ARHGEF12: variants seen among roughly 807,000 people sequenced by gnomAD.
The protein encoded by ARHGEF12 is KMT2A/ARHGEF12 fusion protein.
ARHGEF12 carries 66 observed loss-of-function variants against 211.2 expected under a neutral mutation model. The ratio of observed to expected loss-of-function variants is 0.31; its 90% confidence interval spans 0.26 to 0.38. ARHGEF12 has a LOEUF of 0.38. Among genes scored for constraint, ARHGEF12 ranks in the 10% least tolerant of loss-of-function variants. ARHGEF12 has a pLI of 1.00. For missense variants in ARHGEF12, 1,429 were observed against 1,869.5 expected (o/e 0.76, Z 4.34); for synonymous variants, 592 against 638.4 (o/e 0.93, Z 1.09).
At position 120,469,390 on chromosome 11, in the gene ARHGEF12, T is replaced by A; in HGVS notation, c.2955+2T>A. 1 of 1,605,614 alleles carries A rather than the reference T, an allele frequency of 6.2e-7. No individual in the cohort carries two copies. The highest frequency in any genetic ancestry group is 8.5e-7 in the Non-Finnish European group (1 of 1,174,776). On this transcript the variant is annotated splice_donor_variant, in intron 30 of 40. Coordinates refer to ENST00000397843, the MANE Select transcript of ARHGEF12 (RefSeq NM_015313.3). LOFTEE classifies it high-confidence loss of function. ...GTCAAGGAGGCAGAAAACAAGCAGG[T>A]AAAAAAGGAAAACAAGAAGGTACAG...
At chr11:120,402,657 AT>A (rs1456875318) in intron 1 of ARHGEF12, among the ~76,000 whole-genome samples, 2 of 152,204 alleles carry the variant, frequency 1.3e-5, no homozygotes, top group African/African-American at 4.8e-5. Flanking sequence ...CAGGGAAGAC[AT>A]ATCTAACACC....
intron 1 of ARHGEF12, among the ~76,000 whole-genome samples, chr11:120,338,581 A>ATT (rs1942429527): frequency 6.6e-6 from 1 of 152,220 alleles, no homozygotes. Flanking sequence ...TACACTTAAG[A>ATT]TAAGTATTGA....
chr11:120,359,260 T>G (rs1184410635), intron 1 of ARHGEF12, among the ~76,000 whole-genome samples: 3 of 152,122 alleles, frequency 2.0e-5, no homozygotes, highest in African/African-American at 4.8e-5. Context: ...GATCTCACTG[T>G]GTTGCTCAGG....
At chr11:120,443,626 C>T (rs1945950493) in intron 15 of ARHGEF12, among the ~76,000 whole-genome samples, 1 of 152,164 alleles carries the variant, frequency 6.6e-6, no homozygotes, top group Non-Finnish European at 1.5e-5. Context: ...AACCAACCTA[C>T]TTAAAATCTC....
rs12293270 is a variant in ARHGEF12 at position 120,431,918 on chromosome 11, T to G, written c.924+7T>G. On this transcript the variant is annotated splice_region_variant and intron_variant, in intron 11 of 40. Transcript: ENST00000397843. Reference sequence around the variant, plus strand: ...CAGTAGTGACAATGCAGATGTAAGCTTTCAGTTTTCTAAATCTTTTTTCTT... The same window carrying G: ...CAGTAGTGACAATGCAGATGTAAGCGTTCAGTTTTCTAAATCTTTTTTCTT... 2.5e-6 allele frequency: 4 copies of G among 1,571,894 alleles called. No individual in the cohort carries two copies. The Admixed American group carries it at 8.0e-5, about 31-fold the overall frequency.
intron 39 of ARHGEF12, 107 bp from the exon 40 acceptor site, chr11:120,484,331 G>T (rs1947341027): frequency 1.1e-6 from 1 of 874,788 alleles, no homozygotes; most frequent in South Asian, 1.8e-5. Flanking sequence ...GAAATTTGGG[G>T]GCTTGTACCT....
At chr11:120,462,014 A>G (rs957798495) in intron 27 of ARHGEF12, among the ~76,000 whole-genome samples, 1 of 127,764 alleles carries the variant, frequency 7.8e-6, no homozygotes, top group Non-Finnish European at 1.8e-5. Context: ...CCTCTTGTTC[A>G]TTTGTTCATT....
chr11:120,477,367 A>G, intron 35 of ARHGEF12, 62 bp downstream of exon 35: 2 of 1,598,696 alleles, frequency 1.3e-6, no homozygotes, highest in Non-Finnish European at 1.7e-6. Context: ...AAAGACTAGG[A>G]TAATTATTAT....
intron 33 of ARHGEF12, 88 bp downstream of exon 33, chr11:120,475,595 C>T: frequency 1.5e-6 from 2 of 1,335,722 alleles, no homozygotes; most frequent in Non-Finnish European, 2.1e-6. Context: ...ACACAAGTGG[C>T]ATAGAGTCTT....
intron 1 of ARHGEF12, among the ~76,000 whole-genome samples, chr11:120,373,530 G>A (rs2135419534): frequency 6.6e-6 from 1 of 152,280 alleles, no homozygotes; most frequent in African/African-American, 2.4e-5. Context: ...TACATATTTG[G>A]TGAATGAATT....
rs887019348 is a variant in ARHGEF12 at position 120,488,363 on chromosome 11, C to G, written c.*3286C>G. ...CCACTGAGAACTGCGTGCATAGGAC[C>G]TCAAAATACAAAATTAGCAGGGCCT... On this transcript the variant is annotated 3_prime_UTR_variant, in exon 41 of 41. Coordinates refer to ENST00000397843, the MANE Select transcript of ARHGEF12 (RefSeq NM_015313.3). The G allele has an allele frequency of 3.7e-5, 8 of 214,854 alleles. No individual in the cohort carries two copies. Among genetic ancestry groups the G allele is most frequent in the African/African-American group, 1.8e-4 (8 of 44,322 alleles). 13.3% of individuals were successfully genotyped at this position (214,854 alleles called of 1,614,324 possible).
intron 1 of ARHGEF12, among the ~76,000 whole-genome samples, chr11:120,391,705 G>C (rs1312308696): frequency 6.6e-6 from 1 of 152,188 alleles, no homozygotes; most frequent in East Asian, 1.9e-4. Context: ...AACAAAAACT[G>C]TAAGTTTCAG....
intron 1 of ARHGEF12, among the ~76,000 whole-genome samples, chr11:120,363,917 T>G (rs1162063106): frequency 6.6e-6 from 1 of 152,204 alleles, no homozygotes; most frequent in Admixed American, 6.5e-5. Flanking sequence ...CATGGAACTT[T>G]AGTTTTCCAG....
chr11:120,473,817 C>T (rs10790383), intron 31 of ARHGEF12, among the ~76,000 whole-genome samples: 69,577 of 152,086 alleles, frequency 0.46, 16,690 homozygotes, highest in African/African-American at 0.6. Flanking sequence ...GGAACCATTA[C>T]AGGAACGATA....
At chr11:120,351,441 ATATATATATATATATTTTTTT>A (rs1458606097) in intron 1 of ARHGEF12, among the ~76,000 whole-genome samples, 69 of 4,028 alleles carry the variant, frequency 0.017, 3 homozygotes, top group Non-Finnish European at 0.021. Flanking sequence ...ATATATATAT[ATATATATATATATATTTTTTT>A]TTTTTTTTTT....
In ARHGEF12 at chr11:120,367,263, G is replaced by A. The variant is rs561147832; in HGVS notation, c.32+29988G>A. Among the ~76,000 whole-genome samples the A allele has an allele frequency of 7.3e-5, 11 of 150,654 alleles. No homozygotes were observed. In the South Asian group the frequency reaches 1.9e-3, roughly 26 times the overall value. Reference sequence around the variant, plus strand: ...ATAGTTTTGGGAGAAATTTGTTAACGGAATTTTTAAGGATTATAGGACAGC... The same window carrying A: ...ATAGTTTTGGGAGAAATTTGTTAACAGAATTTTTAAGGATTATAGGACAGC... On this transcript the variant is annotated intron_variant, in intron 1 of 40. Coordinates refer to ENST00000397843, the MANE Select transcript of ARHGEF12 (RefSeq NM_015313.3).
At chr11:120,394,363 A>G (rs1944310723) in intron 1 of ARHGEF12, among the ~76,000 whole-genome samples, 1 of 151,578 alleles carries the variant, frequency 6.6e-6, no homozygotes, top group Non-Finnish European at 1.5e-5. Context: ...GGTGTGCCCC[A>G]CTAATTTTTT....
chr11:120,351,364 A>AAAAAG (rs1942937045), intron 1 of ARHGEF12, among the ~76,000 whole-genome samples: 5 of 122,152 alleles, frequency 4.1e-5, no homozygotes, highest in African/African-American at 1.4e-4. Flanking sequence ...AAAAAAAAAA[A>AAAAAG]GGTGAAATTT....
chr11:120,392,021 T>C (rs560139337), intron 1 of ARHGEF12, among the ~76,000 whole-genome samples: 1 of 152,356 alleles, frequency 6.6e-6, no homozygotes, highest in East Asian at 1.9e-4. Context: ...TTTTCCATTA[T>C]ATTATGAATA....
Sources: gnomAD v4.1 joint callset for allele counts (sites outside exome capture counted in the v4.1 genomes callset) on GRCh38, gnomAD v4.1.1 for gene constraint, MANE v1.5 for transcripts, NCBI Gene and HGNC (gene_info 2026-07-23, HGNC 2026-07-21) for gene names.